SMCO4: variants seen among roughly 807,000 people sequenced by gnomAD.
SMCO4 encodes single-pass membrane protein with coiled-coil domains 4, also known as single-pass membrane and coiled-coil domain-containing protein 4.
Under a neutral mutation model 3.6 loss-of-function variants are expected in SMCO4, and 4 were observed. The observed-to-expected ratio is 1.11, with a 90% confidence interval of 0.54 to 2.53. The LOEUF (loss-of-function observed/expected upper bound fraction) is 2.53, where lower values mean the gene tolerates loss of function less well. Ranked by LOEUF, SMCO4 falls within the 30% of genes most tolerant of loss-of-function variation. SMCO4 has a pLI of 0.02. For synonymous variants in SMCO4, 36 were observed against 35.3 expected (o/e 1.02, Z -0.07); for missense variants, 70 against 80.8 (o/e 0.87, Z 0.51).
rs1565383057 is a variant in SMCO4 at position 93,514,406 on chromosome 11, ATATATATATATATAT to A, written c.-153-15073_-153-15059del. Among the ~76,000 whole-genome samples, 148 of 30,280 alleles carry A rather than the reference ATATATATATATATAT, an allele frequency of 4.9e-3. 2 individuals are homozygous for A. The highest frequency in any genetic ancestry group is 0.04 in the South Asian group (39 of 976). 19.9% of individuals were successfully genotyped at this position (30,280 alleles called of 152,430 possible). ...TATATATATATATATATATATATAT[ATATATATATATATAT>A]AAAATTTGGTCTCTTCCAAAGATCA... On this transcript the variant is annotated intron_variant, in intron 1 of 2. Coordinates refer to ENST00000298966, the MANE Select transcript of SMCO4 (RefSeq NM_020179.3).
chr11:93,535,900 G>A, intron 1 of SMCO4: 2 of 1,593,992 alleles, frequency 1.3e-6, no homozygotes, highest in Admixed American at 3.4e-5. Flanking sequence ...TAGGTTTCTG[G>A]TTCCCCCACA....
intron 1 of SMCO4, among the ~76,000 whole-genome samples, chr11:93,502,796 A>G (rs1948855215): frequency 6.6e-6 from 1 of 152,254 alleles, no homozygotes; most frequent in Non-Finnish European, 1.5e-5. Context: ...AAATTATGGT[A>G]GATTCATTTA....
rs3207348 is a variant in SMCO4, at chr11:93,479,079, C to A, written c.111G>T (p.Thr37=). 1.2e-6 allele frequency: 2 copies of A among 1,613,906 alleles called. No homozygotes were observed. The change falls in exon 3 of 3, where the codon ACG becomes ACT. Residue 37 remains threonine, a synonymous_variant. Coordinates refer to ENST00000298966, the MANE Select transcript of SMCO4 (RefSeq NM_020179.3). ...CGATCAAGAGCACGACCACGGCCAG[C>A]GTGGGCAGCACCACTGTAGTGATCT... ...RQQITTVVLP[T]LAVVVLLIVV... is the part of the protein sequence containing the mutation.
At chr11:93,527,880 A>G (rs1381664861) in intron 1 of SMCO4, among the ~76,000 whole-genome samples, 1 of 152,190 alleles carries the variant, frequency 6.6e-6, no homozygotes, top group East Asian at 1.9e-4. Context: ...GGTTCAGGTG[A>G]TCTTCCCAAC....
chr11:93,498,829 G>C (rs919898862), intron 2 of SMCO4, among the ~76,000 whole-genome samples: 1 of 152,104 alleles, frequency 6.6e-6, no homozygotes, highest in Non-Finnish European at 1.5e-5. Context: ...TGAGTCATTC[G>C]AGAAACATTT....
chr11:93,552,805 CTT>C, the SMCO4 span, among the ~76,000 whole-genome samples: 1 of 151,896 alleles, frequency 6.6e-6, no homozygotes, highest in Non-Finnish European at 1.5e-5. Context: ...TTTGTTTTCT[CTT>C]TTGCCTACCT....
intron 1 of SMCO4, chr11:93,537,745 C>G (rs577501188): frequency 6.6e-6 from 1 of 151,758 alleles, no homozygotes; most frequent in African/African-American, 2.4e-5. Context: ...AGGGGACTGC[C>G]GAGAAGTGCC....
chr11:93,529,722 G>A (rs1591326232), intron 1 of SMCO4, among the ~76,000 whole-genome samples: 1 of 152,242 alleles, frequency 6.6e-6, no homozygotes, highest in Non-Finnish European at 1.5e-5. Context: ...CTGAAGTAGT[G>A]ATTCCCCCAG....
chr11:93,543,918 A>C (rs1949294744), upstream of SMCO4, among the ~76,000 whole-genome samples: 1 of 152,240 alleles, frequency 6.6e-6, no homozygotes, highest in South Asian at 2.1e-4. Flanking sequence ...CCTGACCTGG[A>C]TTTGTTTTTT....
intron 2 of SMCO4, among the ~76,000 whole-genome samples, chr11:93,491,092 G>A (rs1001976980): frequency 6.6e-6 from 1 of 152,160 alleles, no homozygotes; most frequent in Non-Finnish European, 1.5e-5. Context: ...AGGTTCCCTC[G>A]ACTTCATTTG....
chr11:93,498,655 C>T lies in SMCO4; in HGVS notation c.-81+621G>A, dbSNP rs187212369. 3.3e-5 allele frequency among the ~76,000 whole-genome samples: 5 copies of T among 152,278 alleles called. No individual in the cohort carries two copies. The East Asian group carries it at 9.6e-4, about 29-fold the overall frequency. The stretch of plus-strand genomic sequence containing the variant: ...AGCTTTGCTATTAGCTTCATTTCAC[C>T]AATAGCCAAAGGACACCTGGCGAAG... On this transcript the variant is annotated intron_variant, in intron 2 of 2. Coordinates refer to ENST00000298966, the MANE Select transcript of SMCO4 (RefSeq NM_020179.3).
intron 2 of SMCO4, among the ~76,000 whole-genome samples, chr11:93,488,988 C>T (rs1948683536): frequency 6.6e-6 from 1 of 152,092 alleles, no homozygotes; most frequent in African/African-American, 2.4e-5. Flanking sequence ...ACATGCAGGT[C>T]CTCTATGACT....
rs534229096 is a variant in SMCO4, at chr11:93,481,329, G to A, written c.-80-2060C>T. On this transcript the variant is annotated intron_variant, in intron 2 of 2. Transcript: ENST00000298966. ...GAGCTCTGCCCGCCCGCAGGGACGC[G>A]GTACAGGTGGGCTGAGACATCTCCA... 12 of 580,504 alleles carry A rather than the reference G, an allele frequency of 2.1e-5. No individual in the cohort carries two copies. The East Asian group carries it at 4.3e-4, about 21-fold the overall frequency. The allele number at this position is 580,504 out of a possible 1,614,324, so 36.0% of individuals were successfully genotyped here.
At position 93,534,372 on chromosome 11, in the gene SMCO4, A is replaced by ATG. The variant is rs201698225; in HGVS notation, c.-154+8903_-154+8904insCA. 6.3e-5 allele frequency among the ~76,000 whole-genome samples: 5 copies of ATG among 79,424 alleles called. No homozygotes were observed. The East Asian group carries it at 2.7e-3, about 42-fold the overall frequency. 52.1% of individuals were successfully genotyped at this position (79,424 alleles called of 152,430 possible). On this transcript the variant is annotated intron_variant, in intron 1 of 2. Transcript: ENST00000298966. ...TATACACATACATATATATATATAT[A>ATG]TATAGAGAGAGAGAGAGAGAGAGAT...
intron 1 of SMCO4, among the ~76,000 whole-genome samples, chr11:93,504,353 T>C (rs1948878712): frequency 6.6e-6 from 1 of 152,220 alleles, no homozygotes; most frequent in Non-Finnish European, 1.5e-5. Context: ...AGGAAGATGA[T>C]GTGGCTGAAG....
At chr11:93,538,138 A>G (rs973770444) in intron 1 of SMCO4, among the ~76,000 whole-genome samples, 5 of 152,244 alleles carry the variant, frequency 3.3e-5, no homozygotes, top group Non-Finnish European at 7.3e-5. Context: ...ATGACAGGAC[A>G]TGCAGACCCC....
chr11:93,484,252 T>C (rs990457604), intron 2 of SMCO4, among the ~76,000 whole-genome samples: 3 of 152,216 alleles, frequency 2.0e-5, no homozygotes, highest in Admixed American at 1.3e-4. Context: ...GAATTGTTTG[T>C]GATTTTTTTT....
chr11:93,524,095 A>G (rs988979249), intron 1 of SMCO4, among the ~76,000 whole-genome samples: 1 of 152,182 alleles, frequency 6.6e-6, no homozygotes, highest in African/African-American at 2.4e-5. Flanking sequence ...TCTTCAAGCC[A>G]TCCTGGTTGA....
At chr11:93,550,185 C>G in the SMCO4 span, among the ~76,000 whole-genome samples, 1 of 152,292 alleles carries the variant, frequency 6.6e-6, no homozygotes, top group East Asian at 1.9e-4. Flanking sequence ...CCAGTGAACC[C>G]TTTAAATTTC....
Sources: gnomAD v4.1 joint callset for allele counts (sites outside exome capture counted in the v4.1 genomes callset) on GRCh38, gnomAD v4.1.1 for gene constraint, MANE v1.5 for transcripts, NCBI Gene and HGNC (gene_info 2026-07-23, HGNC 2026-07-21) for gene names.